Variants in EEA1 observed in about 807,000 individuals in gnomAD.
The protein encoded by EEA1 is early endosome antigen 1, 162kD.
Under a neutral mutation model 209.2 loss-of-function variants are expected in EEA1, and 111 were observed. That is an observed-to-expected ratio of 0.53 (90% CI 0.45 to 0.62). The LOEUF is 0.62. Among genes scored for constraint, EEA1 ranks in the 20% least tolerant of loss-of-function variants. The pLI is 0.00. For missense variants in EEA1, 1,343 were observed against 1,530.8 expected, an observed-to-expected ratio of 0.88 and a Z score of 2.05; for synonymous variants, 536 against 540.6, an observed-to-expected ratio of 0.99 and a Z score of 0.12.
chr12:92,885,002 T>G lies in EEA1; in HGVS notation c.117+6627A>C, dbSNP rs1202580822. On this transcript the variant is annotated intron_variant, in intron 2 of 28. Transcript: ENST00000322349. ...CAAACATGCTGTTGATTGCTAAATG[T>G]AAGTCTGATCATGATGCAGAATAAA... Among the ~76,000 whole-genome samples the G allele has an allele frequency of 2.0e-5, 3 of 150,970 alleles. No individual in the cohort carries two copies. In the East Asian group the frequency reaches 5.8e-4, roughly 29 times the overall value.
chr12:92,781,055 T>C (rs1599892), intron 23 of EEA1, among the ~76,000 whole-genome samples: 43,120 of 151,918 alleles, frequency 0.28, 6,550 homozygotes, highest in Non-Finnish European at 0.32. Context: ...GGACTACAGG[T>C]GTGCACCACC....
In EEA1 at chr12:92,866,958, G is replaced by A. The variant is rs562366602; in HGVS notation, c.118-1971C>T. ...ATCTCCATCCTCATTGCAGCTGCTCGTGTTCGGATACTCAGTATCTCTTGT... is the reference window on the plus strand; with the variant it reads ...ATCTCCATCCTCATTGCAGCTGCTCATGTTCGGATACTCAGTATCTCTTGT... On this transcript the variant is annotated intron_variant, in intron 2 of 28. Coordinates refer to ENST00000322349, the MANE Select transcript of EEA1 (RefSeq NM_003566.4). Among the ~76,000 whole-genome samples the A allele has an allele frequency of 9.2e-5, 14 of 152,100 alleles. No individual in the cohort carries two copies. The South Asian group carries it at 2.1e-3, about 23-fold the overall frequency.
intron 5 of EEA1, 54 bp downstream of exon 5, chr12:92,857,220 CA>C: frequency 7.2e-7 from 1 of 1,397,746 alleles, no homozygotes; most frequent in Non-Finnish European, 9.7e-7. Flanking sequence ...GTTTAGTTTT[CA>C]ACAATAAAAA....
At chr12:92,817,772 C>A (rs559221795) in intron 14 of EEA1, among the ~76,000 whole-genome samples, 1 of 152,258 alleles carries the variant, frequency 6.6e-6, no homozygotes, top group East Asian at 1.9e-4. Context: ...TTTGTCCCAG[C>A]ACATATTTAA....
At chr12:92,887,092 G>C (rs183997964) in intron 2 of EEA1, among the ~76,000 whole-genome samples, 158 of 152,100 alleles carry the variant, frequency 1.0e-3, no homozygotes, top group African/African-American at 3.6e-3. Flanking sequence ...AAAATTAATG[G>C]CATATTAAAC....
chr12:92,847,167 G>A lies in EEA1; in HGVS notation c.798+3944C>T, dbSNP rs188813350. Among the ~76,000 whole-genome samples the A allele has an allele frequency of 2.3e-3, 350 of 152,208 alleles. 3 individuals carry two copies. The highest frequency in any genetic ancestry group is 7.8e-3 in the African/African-American group (323 of 41,530). On this transcript the variant is annotated intron_variant, in intron 9 of 28. Coordinates refer to ENST00000322349, the MANE Select transcript of EEA1 (RefSeq NM_003566.4). ...GACAGGGTTTCACTGTGTTGGTCATGCTAGTCTTGTACTCCTGACCTCAGG... is the reference window on the plus strand; with the variant it reads ...GACAGGGTTTCACTGTGTTGGTCATACTAGTCTTGTACTCCTGACCTCAGG...
intron 2 of EEA1, among the ~76,000 whole-genome samples, chr12:92,883,346 T>A (rs1260018500): frequency 2.0e-5 from 3 of 152,182 alleles, no homozygotes; most frequent in African/African-American, 7.2e-5. Context: ...TTGCAAATAT[T>A]TTCTCCCATT....
intron 9 of EEA1, among the ~76,000 whole-genome samples, chr12:92,848,370 C>T (rs1877467628): frequency 6.6e-6 from 1 of 152,006 alleles, no homozygotes; most frequent in Non-Finnish European, 1.5e-5. Flanking sequence ...ATCTTTAATA[C>T]CAACACTTTG....
chr12:92,876,809 G>C (rs964792646), intron 2 of EEA1, among the ~76,000 whole-genome samples: 9 of 144,726 alleles, frequency 6.2e-5, no homozygotes, highest in African/African-American at 2.3e-4. Context: ...AAGCTATAGA[G>C]GTAAAAAGAA....
At chr12:92,805,038 T>C (rs1565815235) in intron 18 of EEA1, among the ~76,000 whole-genome samples, 1 of 152,116 alleles carries the variant, frequency 6.6e-6, no homozygotes, top group South Asian at 2.1e-4. Context: ...GATTAGAACA[T>C]AGAATGAAAA....
intron 20 of EEA1, among the ~76,000 whole-genome samples, chr12:92,799,941 T>A (rs1245148364): frequency 6.6e-6 from 1 of 151,924 alleles, no homozygotes; most frequent in African/African-American, 2.4e-5. Context: ...TAAATTACAC[T>A]GCACAGGCCA....
chr12:92,851,508 T>A (rs1157124388), intron 8 of EEA1, among the ~76,000 whole-genome samples: 1 of 152,214 alleles, frequency 6.6e-6, no homozygotes, highest in Non-Finnish European at 1.5e-5. Flanking sequence ...TTATCTTTAC[T>A]ACTTTATTTG....
At chr12:92,898,300 C>T (rs908142727) in intron 1 of EEA1, among the ~76,000 whole-genome samples, 1 of 152,122 alleles carries the variant, frequency 6.6e-6, no homozygotes, top group Admixed American at 6.5e-5. Flanking sequence ...TTTTAAAGTA[C>T]TTATGTTCTT....
rs1331130340 is a variant in EEA1 at position 92,770,773 on chromosome 12, G to A, written c.*5238C>T. 1 of 151,952 alleles carries A rather than the reference G, an allele frequency of 6.6e-6. No homozygotes were observed. The highest frequency in any genetic ancestry group is 6.6e-5 in the Admixed American group (1 of 15,256). 9.4% of individuals were successfully genotyped at this position (151,952 alleles called of 1,614,324 possible). ...TTCTCAAACTCATCTCAGGTATATAGTACTCTAACGTGGAAGTAGAAAATC... is the reference window on the plus strand; with the variant it reads ...TTCTCAAACTCATCTCAGGTATATAATACTCTAACGTGGAAGTAGAAAATC... On this transcript the variant is annotated 3_prime_UTR_variant, in exon 29 of 29. Coordinates refer to ENST00000322349, the MANE Select transcript of EEA1 (RefSeq NM_003566.4).
chr12:92,928,194 A>G (rs1881282529), intron 1 of EEA1, among the ~76,000 whole-genome samples: 1 of 152,166 alleles, frequency 6.6e-6, no homozygotes, highest in African/African-American at 2.4e-5. Flanking sequence ...GTTGACAGGT[A>G]CAATAACTCT....
At chr12:92,798,027 G>A (rs1001147578) in intron 21 of EEA1, among the ~76,000 whole-genome samples, 9 of 152,038 alleles carry the variant, frequency 5.9e-5, no homozygotes, top group African/African-American at 1.9e-4. Flanking sequence ...AACTCATTGT[G>A]CTCAAATATT....
chr12:92,825,902 A>C (rs1033270856), intron 13 of EEA1, among the ~76,000 whole-genome samples: 1 of 149,544 alleles, frequency 6.7e-6, no homozygotes, highest in Non-Finnish European at 1.5e-5. Context: ...AAATATAATA[A>C]ATACATAATA....
At chr12:92,910,455 C>CTGTATCTCAAAAA (rs1880540425) in intron 1 of EEA1, among the ~76,000 whole-genome samples, 1 of 150,024 alleles carries the variant, frequency 6.7e-6, no homozygotes, top group Non-Finnish European at 1.5e-5. Flanking sequence ...GGCGACAGAG[C>CTGTATCTCAAAAA]AAGACTCCAT....
intron 9 of EEA1, among the ~76,000 whole-genome samples, chr12:92,848,227 T>C (rs1431145621): frequency 3.2e-4 from 48 of 149,890 alleles, no homozygotes; most frequent in Admixed American, 3.2e-3. Flanking sequence ...AAATACCTTT[T>C]CTAGAAAAAA....
Sources: allele counts gnomAD v4.1 joint callset (sites outside exome capture counted in the v4.1 genomes callset), GRCh38; gene constraint gnomAD v4.1.1; transcripts MANE v1.5; gene names NCBI Gene and HGNC (gene_info 2026-07-23, HGNC 2026-07-21).